The following NPAS3 variants were observed in gnomAD, a reference collection of about 807,000 sequenced individuals.
The protein encoded by NPAS3 is neuronal PAS domain protein 3, also known as neuronal PAS domain-containing protein 3.
A neutral mutation model predicts 73.1 loss-of-function variants in NPAS3; 14 were observed. The ratio of observed to expected loss-of-function variants is 0.19; its 90% CI spans 0.13 to 0.30. The LOEUF (loss-of-function observed/expected upper bound fraction) is 0.30. NPAS3 is among the 10% of genes least tolerant of loss of function. The probability of loss-of-function intolerance (pLI) is 1.00; values close to 1 mark genes in which losing one functional copy is unlikely to be tolerated. For missense variants in NPAS3, 1,096 were observed against 1,250.0 expected, an observed-to-expected ratio of 0.88 and a Z score of 1.86; for synonymous variants, 620 against 541.5, an observed-to-expected ratio of 1.14 and a Z score of -2.01.
intron 2 of NPAS3, among the ~76,000 whole-genome samples, chr14:33,172,633 G>C (rs973624759): frequency 4.6e-5 from 7 of 152,028 alleles, no homozygotes; most frequent in African/African-American, 1.7e-4. Context: ...CTACTTGGGG[G>C]GCTGAGGCAG....
chr14:33,653,601 A>C (rs1325211977), intron 5 of NPAS3, among the ~76,000 whole-genome samples: 1 of 152,210 alleles, frequency 6.6e-6, no homozygotes, highest in Non-Finnish European at 1.5e-5. Flanking sequence ...AATTAATATG[A>C]TTTGCATGAA....
chr14:33,723,135 A>G (rs1253685626), intron 6 of NPAS3, among the ~76,000 whole-genome samples: 1 of 152,126 alleles, frequency 6.6e-6, no homozygotes, highest in African/African-American at 2.4e-5. Context: ...TTTTACTTGA[A>G]TTCTCAATAA....
chr14:33,379,547 GA>G (rs1170710715), intron 4 of NPAS3, among the ~76,000 whole-genome samples: 2 of 152,124 alleles, frequency 1.3e-5, no homozygotes, highest in Non-Finnish European at 2.9e-5. Context: ...CATCAGCTAG[GA>G]ATGACGTGGA....
At position 32,975,890 on chromosome 14, in the gene NPAS3, T is replaced by A. The variant is rs57393917; in HGVS notation, c.50+36524T>A. ...GTGTGTGTGTGTGTGTGTGTGTGTG[T>A]GTGTGTGAGAGAGAGAGAGTTTGCA... is the stretch of plus-strand genomic sequence containing the variant. On this transcript the variant is annotated intron_variant, in intron 1 of 11. Transcript: ENST00000356141. Among the ~76,000 whole-genome samples, 752 of 123,266 alleles carry A rather than the reference T, an allele frequency of 6.1e-3. 4 individuals are homozygous for A. The highest frequency in any genetic ancestry group is 0.023 in the East Asian group (87 of 3,712). The allele number at this position is 123,266 out of a possible 152,430, so 80.9% of individuals were successfully genotyped here.
chr14:32,987,016 C>T (rs2038127302), intron 1 of NPAS3, among the ~76,000 whole-genome samples: 1 of 152,086 alleles, frequency 6.6e-6, no homozygotes, highest in African/African-American at 2.4e-5. Flanking sequence ...GAGCGGTGTG[C>T]CTGGGCCCCA....
chr14:33,516,872 G>A (rs1595068965), intron 4 of NPAS3, among the ~76,000 whole-genome samples: 2 of 152,130 alleles, frequency 1.3e-5, no homozygotes, highest in East Asian at 3.9e-4. Flanking sequence ...TTATCATGGG[G>A]ACTGCATAGG....
At chr14:33,423,828 T>C (rs1461174928) in intron 4 of NPAS3, among the ~76,000 whole-genome samples, 3 of 151,994 alleles carry the variant, frequency 2.0e-5, no homozygotes. Context: ...TCAAAGAGAA[T>C]GACAGATTCT....
At chr14:32,951,358 A>G (rs2036477050) in intron 1 of NPAS3, among the ~76,000 whole-genome samples, 1 of 151,712 alleles carries the variant, frequency 6.6e-6, no homozygotes, top group Non-Finnish European at 1.5e-5. Flanking sequence ...AAAATGATTA[A>G]ATAAATTTTT....
At chr14:33,673,294 G>T (rs189282971) in intron 5 of NPAS3, among the ~76,000 whole-genome samples, 2 of 152,260 alleles carry the variant, frequency 1.3e-5, no homozygotes, top group East Asian at 3.9e-4. Flanking sequence ...TCCACCCTTG[G>T]CCTTTTCCAG....
At chr14:33,480,955 A>G (rs1283603902) in intron 4 of NPAS3, among the ~76,000 whole-genome samples, 1 of 151,994 alleles carries the variant, frequency 6.6e-6, no homozygotes, top group Non-Finnish European at 1.5e-5. Context: ...GGAGGGAGAG[A>G]GAGAAGGGAG....
intron 3 of NPAS3, among the ~76,000 whole-genome samples, chr14:33,290,865 G>C (rs767852901): frequency 2.0e-5 from 3 of 152,188 alleles, no homozygotes; most frequent in African/African-American, 7.2e-5. Flanking sequence ...AATACAGTAA[G>C]TTTAAAGCGG....
intron 5 of NPAS3, among the ~76,000 whole-genome samples, chr14:33,647,822 A>G (rs1211871493): frequency 6.6e-6 from 1 of 152,070 alleles, no homozygotes. Context: ...TCCATTGATA[A>G]TATTTTTAAT....
intron 2 of NPAS3, among the ~76,000 whole-genome samples, chr14:33,185,607 AT>A (rs1437845824): frequency 4.6e-5 from 7 of 152,162 alleles, no homozygotes; most frequent in Non-Finnish European, 8.8e-5. Context: ...GTTGCCTAAA[AT>A]TTAGCTAATG....
At chr14:33,472,537 G>GAT (rs1566933118) in intron 4 of NPAS3, among the ~76,000 whole-genome samples, 1 of 151,502 alleles carries the variant, frequency 6.6e-6, no homozygotes, top group Admixed American at 6.5e-5. Flanking sequence ...ACAGACTGTT[G>GAT]AGAATAGGCT....
chr14:33,270,040 A>G (rs994338501), intron 3 of NPAS3, among the ~76,000 whole-genome samples: 1 of 152,126 alleles, frequency 6.6e-6, no homozygotes, highest in Non-Finnish European at 1.5e-5. Context: ...AGGACAGGGC[A>G]GGGGAAGGAC....
chr14:33,199,228 A>T (rs538572303), intron 2 of NPAS3, among the ~76,000 whole-genome samples: 1 of 152,324 alleles, frequency 6.6e-6, no homozygotes, highest in South Asian at 2.1e-4. Flanking sequence ...AAGCGTGGCC[A>T]GAGCAGACGC....
At chr14:33,718,327 T>G (rs939605310) in intron 6 of NPAS3, among the ~76,000 whole-genome samples, 1 of 152,180 alleles carries the variant, frequency 6.6e-6, no homozygotes, top group Non-Finnish European at 1.5e-5. Flanking sequence ...ACCCTACATC[T>G]TTCTTTTTCA....
chr14:33,802,600 C>G (rs765522547), downstream of NPAS3: 1 of 152,120 alleles, frequency 6.6e-6, no homozygotes, highest in Admixed American at 6.5e-5. Context: ...AGTCCCATTG[C>G]AGTTTCAATG....
chr14:33,752,881 G>T (rs188273404), intron 7 of NPAS3, among the ~76,000 whole-genome samples: 1 of 152,078 alleles, frequency 6.6e-6, no homozygotes, highest in African/African-American at 2.4e-5. Context: ...GTATCAGAAT[G>T]CTGTAAAACA....
Sources: gnomAD v4.1 joint callset for allele counts (sites outside exome capture counted in the v4.1 genomes callset) on GRCh38, gnomAD v4.1.1 for gene constraint, MANE v1.5 for transcripts, NCBI Gene and HGNC (gene_info 2026-07-23, HGNC 2026-07-21) for gene names.